The following DLGAP2 variants were observed in gnomAD, a reference collection of about 807,000 sequenced individuals.
DLGAP2 encodes the protein disks large-associated protein 2.
A neutral mutation model predicts 100.3 loss-of-function variants in DLGAP2; 26 were observed. The observed-to-expected ratio is 0.26, with a 90% CI of 0.19 to 0.36. DLGAP2 has a LOEUF of 0.36. Ranked by LOEUF, DLGAP2 falls within the 10% of genes least tolerant of loss-of-function variation. DLGAP2 has a pLI of 1.00. For synonymous variants in DLGAP2, 886 were observed against 630.1 expected (o/e 1.41, Z -6.08); for missense variants, 1,858 against 1,453.2 (o/e 1.28, Z -4.53).
intron 2 of DLGAP2, among the ~76,000 whole-genome samples, chr8:1,235,242 T>C (rs2116842879): frequency 7.9e-6 from 1 of 126,736 alleles, no homozygotes; most frequent in South Asian, 2.2e-4. Flanking sequence ...TCTAGTTCTC[T>C]CACACATGGC....
chr8:739,660 A>C (rs766683737), intron 1 of DLGAP2: 1 of 152,258 alleles, frequency 6.6e-6, no homozygotes, highest in Non-Finnish European at 1.5e-5. Context: ...GTCATTAATC[A>C]GGATTTTCCA....
intron 2 of DLGAP2, among the ~76,000 whole-genome samples, chr8:1,219,283 A>T (rs558674442): frequency 6.6e-6 from 1 of 152,098 alleles, no homozygotes; most frequent in Non-Finnish European, 1.5e-5. Flanking sequence ...TTATTTTGAG[A>T]TAAGTTCCTC....
intron 2 of DLGAP2, among the ~76,000 whole-genome samples, chr8:954,988 A>G (rs902687635): frequency 2.6e-5 from 4 of 152,154 alleles, no homozygotes; most frequent in African/African-American, 9.7e-5. Context: ...GGATTTTTAA[A>G]AAGACAAGCA....
intron 1 of DLGAP2, among the ~76,000 whole-genome samples, chr8:845,973 G>T (rs368059629): frequency 1.1e-4 from 17 of 152,304 alleles, no homozygotes; most frequent in African/African-American, 3.8e-4. Flanking sequence ...GTCCAGAGAC[G>T]TATGAGTTTC....
rs373806432 is a variant in DLGAP2, at chr8:1,038,594, C to T, written c.73+130628C>T. On this transcript the variant is annotated intron_variant, in intron 2 of 14. Coordinates refer to ENST00000637795, the MANE Select transcript of DLGAP2 (RefSeq NM_001346810.2). ...ATTCTCAAGAAGTAGCCCCATTATGCGTTAGATAATTTGGATAAATTGAAA... is the reference window on the plus strand; with the variant it reads ...ATTCTCAAGAAGTAGCCCCATTATGTGTTAGATAATTTGGATAAATTGAAA... Among the ~76,000 whole-genome samples, 42 of 152,256 alleles carry T rather than the reference C, an allele frequency of 2.8e-4. No individual in the cohort carries two copies. In the East Asian group the frequency reaches 4.4e-3, roughly 16 times the overall value.
chr8:1,459,932 C>T (rs774942542), intron 3 of DLGAP2, among the ~76,000 whole-genome samples: 18 of 152,150 alleles, frequency 1.2e-4, no homozygotes, highest in Non-Finnish European at 2.2e-4. Context: ...GTGATCCACC[C>T]ACCTCAGCCT....
chr8:878,876 A>G (rs989110626), intron 1 of DLGAP2, among the ~76,000 whole-genome samples: 2 of 152,166 alleles, frequency 1.3e-5, no homozygotes, highest in Non-Finnish European at 2.9e-5. Context: ...CTTCGCAGAC[A>G]CTAGAATCAT....
chr8:1,639,820 G>A (rs562580930), intron 8 of DLGAP2, among the ~76,000 whole-genome samples: 1 of 152,312 alleles, frequency 6.6e-6, no homozygotes, highest in Non-Finnish European at 1.5e-5. Context: ...TCCAGCCTGG[G>A]CCTCCATTGT....
intron 3 of DLGAP2, among the ~76,000 whole-genome samples, chr8:1,413,086 G>T (rs148221245): frequency 6.6e-6 from 1 of 152,088 alleles, no homozygotes; most frequent in Non-Finnish European, 1.5e-5. Context: ...TACCTCCTCA[G>T]TTCTCCTAGT....
At chr8:1,577,684 TG>T (rs2130626835) in intron 6 of DLGAP2, among the ~76,000 whole-genome samples, 1 of 152,070 alleles carries the variant, frequency 6.6e-6, no homozygotes, top group African/African-American at 2.4e-5. Flanking sequence ...TGCAGCCTGG[TG>T]TCCCTGCAGC....
intron 1 of DLGAP2, among the ~76,000 whole-genome samples, chr8:863,345 C>A (rs1797428382): frequency 6.6e-6 from 1 of 152,220 alleles, no homozygotes; most frequent in South Asian, 2.1e-4. Flanking sequence ...TTGCATCACA[C>A]AACAAATATT....
intron 2 of DLGAP2, among the ~76,000 whole-genome samples, chr8:940,995 C>A (rs912325353): frequency 3.1e-4 from 47 of 152,148 alleles, no homozygotes; most frequent in African/African-American, 1.0e-3. Context: ...TGCCCCCACC[C>A]ATCTACAGGT....
chr8:1,496,707 G>T (rs1236663903), intron 3 of DLGAP2, among the ~76,000 whole-genome samples: 1 of 152,158 alleles, frequency 6.6e-6, no homozygotes, highest in Non-Finnish European at 1.5e-5. Flanking sequence ...GAAGCTCAAG[G>T]GTGATCAGAG....
chr8:1,444,018 T>C (rs2130079396), intron 3 of DLGAP2, among the ~76,000 whole-genome samples: 1 of 152,336 alleles, frequency 6.6e-6, no homozygotes, highest in African/African-American at 2.4e-5. Context: ...TTTTCCAGTG[T>C]TCATGATCAT....
At chr8:1,378,817 C>T (rs1307870172) in intron 3 of DLGAP2, among the ~76,000 whole-genome samples, 2 of 152,212 alleles carry the variant, frequency 1.3e-5, no homozygotes, top group Non-Finnish European at 1.5e-5. Flanking sequence ...CAGATTCTTT[C>T]AAATCCTGAT....
At chr8:1,337,231 G>A (rs1801298319) in intron 3 of DLGAP2, among the ~76,000 whole-genome samples, 1 of 151,756 alleles carries the variant, frequency 6.6e-6, no homozygotes, top group Non-Finnish European at 1.5e-5. Context: ...GGATGATGGT[G>A]GTGGTGAGAA....
chr8:798,798 T>C (rs1053681463), intron 1 of DLGAP2, among the ~76,000 whole-genome samples: 3 of 147,536 alleles, frequency 2.0e-5, no homozygotes, highest in Admixed American at 6.7e-5. Flanking sequence ...GCCCTGGTGC[T>C]GGCCAGGTGA....
chr8:1,064,176 G>C lies in DLGAP2; in HGVS notation c.73+156210G>C, dbSNP rs559510376. ...GACTATTTTACTAAGTTTAATTCTT[G>C]CTCCCAATTTGCAACAATTACTCAA... On this transcript the variant is annotated intron_variant, in intron 2 of 14. Transcript: ENST00000637795. Among the ~76,000 whole-genome samples, 20 of 152,268 alleles carry C rather than the reference G, an allele frequency of 1.3e-4. 2 individuals are homozygous for C. In the South Asian group the frequency reaches 3.7e-3, roughly 28 times the overall value.
chr8:1,339,220 GCGT>G (rs1471435521), intron 3 of DLGAP2, among the ~76,000 whole-genome samples: 36 of 151,200 alleles, frequency 2.4e-4, no homozygotes, highest in African/African-American at 8.0e-4. Context: ...CCTCAGTGAG[GCGT>G]CAGGACCCGG....
Sources: gnomAD v4.1 joint callset for allele counts (sites outside exome capture counted in the v4.1 genomes callset) on GRCh38, gnomAD v4.1.1 for gene constraint, MANE v1.5 for transcripts, NCBI Gene and HGNC (gene_info 2026-07-23, HGNC 2026-07-21) for gene names.